The following PLAAT1 variants were observed in gnomAD, a reference collection of about 807,000 sequenced individuals.
PLAAT1 encodes the protein H-REV107 protein-related protein.
In PLAAT1, 13 loss-of-function variants were observed where a neutral mutation model predicts 16.4. That is an observed-to-expected ratio of 0.79 (90% CI 0.52 to 1.26). The LOEUF (loss-of-function observed/expected upper bound fraction) is 1.26, where lower values mean the gene tolerates loss of function less well. Among genes scored for constraint, PLAAT1 ranks in the 50% most tolerant of loss-of-function variants. The pLI is 0.00. For synonymous variants in PLAAT1, 73 were observed against 78.4 expected, an observed-to-expected ratio of 0.93 and a Z score of 0.36; for missense variants, 218 against 207.8, an observed-to-expected ratio of 1.05 and a Z score of -0.30.
chr3:193,255,650 G>T lies in PLAAT1; in HGVS notation c.1-1G>T, dbSNP rs751592670. ...GCTCTTCTTTGTATTTGTCATTGCA[G>T]ATGGCGTTTAATGATTGCTTCAGTT... On this transcript the variant is annotated splice_acceptor_variant, in intron 1 of 3. Transcript: ENST00000264735. LOFTEE classifies it low-confidence loss of function (5UTR_SPLICE). 1.2e-6 allele frequency: 2 copies of T among 1,603,566 alleles called. No individual in the cohort carries two copies. The highest frequency in any genetic ancestry group is 1.7e-6 in the Non-Finnish European group (2 of 1,174,364).
At chr3:193,260,558 AAAG>A (rs1716547121) in intron 2 of PLAAT1, among the ~76,000 whole-genome samples, 1 of 152,210 alleles carries the variant, frequency 6.6e-6, no homozygotes, top group African/African-American at 2.4e-5. Context: ...ACACTTCTGA[AAAG>A]AAGACATTCA....
intron 2 of PLAAT1, among the ~76,000 whole-genome samples, chr3:193,262,532 C>G (rs1215430872): frequency 1.3e-5 from 2 of 152,068 alleles, no homozygotes; most frequent in Non-Finnish European, 2.9e-5. Flanking sequence ...GATGAGCCTA[C>G]TAATAACAGT....
intron 1 of PLAAT1, among the ~76,000 whole-genome samples, chr3:193,245,004 A>G (rs1173525630): frequency 6.6e-6 from 1 of 152,244 alleles, no homozygotes; most frequent in Non-Finnish European, 1.5e-5. Flanking sequence ...CATTCAAACC[A>G]TAGCACATAT....
At chr3:193,253,443 A>G (rs181947684) in intron 1 of PLAAT1, among the ~76,000 whole-genome samples, 71 of 152,250 alleles carry the variant, frequency 4.7e-4, no homozygotes, top group African/African-American at 6.5e-4. Context: ...ACCAATCTCA[A>G]TGTCTCTCTT....
chr3:193,272,818 G>T (rs373937395), downstream of PLAAT1, among the ~76,000 whole-genome samples: 2 of 27,280 alleles, frequency 7.3e-5, no homozygotes, highest in African/African-American at 9.0e-4. Flanking sequence ...TTAGAGGTTA[G>T]CTCACAAAGC....
chr3:193,259,539 CA>C (rs1460783749), intron 2 of PLAAT1, among the ~76,000 whole-genome samples: 1 of 152,068 alleles, frequency 6.6e-6, no homozygotes, highest in Non-Finnish European at 1.5e-5. Context: ...TTTTAGGATA[CA>C]AAATCAGTGT....
In PLAAT1 at chr3:193,257,077, G is replaced by A. The variant is rs192733619; in HGVS notation, c.139+1288G>A. 2.4e-4 allele frequency among the ~76,000 whole-genome samples: 37 copies of A among 152,088 alleles called. No individual in the cohort carries two copies. In the East Asian group the frequency reaches 4.6e-3, roughly 19 times the overall value. On this transcript the variant is annotated intron_variant, in intron 2 of 3. Coordinates refer to ENST00000264735, the MANE Select transcript of PLAAT1 (RefSeq NM_020386.5). ...TTCTATGTGCTGTCTTCATTTCCCCGGACTATGTCTCTTTAAAAAACTAAA... is the reference window on the plus strand; with the variant it reads ...TTCTATGTGCTGTCTTCATTTCCCCAGACTATGTCTCTTTAAAAAACTAAA...
intron 1 of PLAAT1, 90 bp downstream of exon 1, chr3:193,241,623 C>T: frequency 1.1e-6 from 1 of 936,516 alleles, no homozygotes; most frequent in Non-Finnish European, 1.4e-6. Flanking sequence ...GTTGACATGA[C>T]TAGAGAACAA....
At chr3:193,265,115 T>C (rs903251961) in intron 3 of PLAAT1, among the ~76,000 whole-genome samples, 3 of 152,180 alleles carry the variant, frequency 2.0e-5, no homozygotes, top group Non-Finnish European at 2.9e-5. Context: ...TAAAATTAAA[T>C]GTAGAATTAC....
At chr3:193,264,333 C>G (rs4414793) in intron 3 of PLAAT1, among the ~76,000 whole-genome samples, 67,505 of 152,032 alleles carry the variant, frequency 0.44, 16,000 homozygotes, top group African/African-American at 0.6. Context: ...CCTACTTATC[C>G]TGCCCTATAC....
At chr3:193,272,584 C>T (rs1359561354), downstream of PLAAT1, among the ~76,000 whole-genome samples, 1 of 152,104 alleles carries the variant, frequency 6.6e-6, no homozygotes, top group Non-Finnish European at 1.5e-5. Flanking sequence ...AAATCTTAAC[C>T]CGAAGCAGGG....
intron 2 of PLAAT1, among the ~76,000 whole-genome samples, chr3:193,262,068 G>A (rs1039895941): frequency 6.6e-6 from 1 of 152,152 alleles, no homozygotes; most frequent in African/African-American, 2.4e-5. Context: ...ACCTGAACAT[G>A]GCCAAGCACA....
intron 2 of PLAAT1, among the ~76,000 whole-genome samples, chr3:193,260,384 A>G (rs970286431): frequency 6.6e-6 from 1 of 152,224 alleles, no homozygotes; most frequent in Non-Finnish European, 1.5e-5. Context: ...GAGCTTCTGC[A>G]CAGCAAAAGA....
intron 2 of PLAAT1, among the ~76,000 whole-genome samples, chr3:193,262,107 G>C (rs567594669): frequency 6.6e-6 from 1 of 152,294 alleles, no homozygotes; most frequent in African/African-American, 2.4e-5. Flanking sequence ...ACAAGGACTG[G>C]AGCCTGGCTT....
chr3:193,276,938 G>A, intron 2 of PLAAT1: 1 of 814,430 alleles, frequency 1.2e-6, no homozygotes, highest in South Asian at 1.9e-5. Flanking sequence ...TGAGCTTAGT[G>A]GTGGGCATTA....
chr3:193,261,947 G>A (rs1577307970), intron 2 of PLAAT1, among the ~76,000 whole-genome samples: 1 of 152,068 alleles, frequency 6.6e-6, no homozygotes, highest in Admixed American at 6.6e-5. Flanking sequence ...CTCACATTCC[G>A]TGAGAAGGAG....
At chr3:193,275,323 ACAAT>A (rs753114974), downstream of PLAAT1, 25 of 1,609,634 alleles carry the variant, frequency 1.6e-5, no homozygotes, top group South Asian at 3.3e-5. Context: ...AGATGGGAAA[ACAAT>A]CAATTTATTG....
chr3:193,252,974 G>A lies in PLAAT1; in HGVS notation c.1-2677G>A, dbSNP rs151233375. Among the ~76,000 whole-genome samples, 23 of 152,208 alleles carry A rather than the reference G, an allele frequency of 1.5e-4. No individual in the cohort carries two copies. The East Asian group carries it at 4.3e-3, about 28-fold the overall frequency. ...AATAGGAGCAGCAATGTGGGTGAGC[G>A]GTGAGTAGGGCTCTCATGTTGTCCC... On this transcript the variant is annotated intron_variant, in intron 1 of 3. Transcript: ENST00000264735.
At chr3:193,240,654 C>CGCGTGTGTGTGTGTGTGTGTGT (rs1553803498), upstream of PLAAT1, among the ~76,000 whole-genome samples, 9 of 88,568 alleles carry the variant, frequency 1.0e-4, no homozygotes, top group African/African-American at 4.3e-4. Flanking sequence ...GGCTATCTGG[C>CGCGTGTGTGTGTGTGTGTGTGT]GTGTGTGTGT....
Sources: gnomAD v4.1 joint callset for allele counts (sites outside exome capture counted in the v4.1 genomes callset) on GRCh38, gnomAD v4.1.1 for gene constraint, MANE v1.5 for transcripts, NCBI Gene and HGNC (gene_info 2026-07-23, HGNC 2026-07-21) for gene names.